The following GRIPAP1 variants were observed in gnomAD, a reference collection of about 807,000 sequenced individuals.
GRIPAP1 encodes GRIP1 associated protein 1.
Under a neutral mutation model 84.1 loss-of-function variants are expected in GRIPAP1, and 14 were observed. That is an observed-to-expected ratio of 0.17 (90% CI 0.11 to 0.26). The LOEUF (loss-of-function observed/expected upper bound fraction) is 0.26, where lower values mean the gene tolerates loss of function less well. Ranked by LOEUF, GRIPAP1 falls within the 10% of genes least tolerant of loss-of-function variation. The probability of loss-of-function intolerance (pLI) is 1.00; values close to 1 mark genes in which losing one functional copy is unlikely to be tolerated. For synonymous variants in GRIPAP1, 261 were observed against 256.8 expected (o/e 1.02, Z -0.15); for missense variants, 518 against 674.2 (o/e 0.77, Z 2.57).
At chrX:48,979,990 T>C (rs1480091212) in intron 21 of GRIPAP1, among the ~76,000 whole-genome samples, 1 of 111,139 alleles carries the variant, frequency 9.0e-6, no homozygotes, top group Non-Finnish European at 1.9e-5. Context: ...AGAGAGAAAT[T>C]GATTTGGTGA....
rs782633006 is a variant in GRIPAP1, at chrX:48,981,732, C to T, written c.1678-41G>A. 2.1e-5 allele frequency: 24 copies of T among 1,167,306 alleles called. No homozygotes were observed. The South Asian group carries it at 4.3e-4, about 21-fold the overall frequency. On this transcript the variant is annotated intron_variant, in intron 18 of 25. Coordinates refer to ENST00000376423, the MANE Select transcript of GRIPAP1 (RefSeq NM_020137.5). ...CAGCTTAGGCATTGGCTTGGGAAGC[C>T]TCTGTCCTCCCAGGAGGGCCCGTCA...
chrX:48,974,353 A>G, intron 25 of GRIPAP1, 68 bp from the exon 26 acceptor site: 1 of 643,132 alleles, frequency 1.6e-6, no homozygotes, highest in South Asian at 2.5e-5. Flanking sequence ...AACGTAGGGT[A>G]TCATCTGTGA....
intron 21 of GRIPAP1, among the ~76,000 whole-genome samples, chrX:48,979,203 C>T (rs926627800): frequency 9.1e-6 from 1 of 109,933 alleles, no homozygotes; most frequent in African/African-American, 3.3e-5. Context: ...AGATGCCGGG[C>T]GCGGTGGCTC....
Position 48,978,312 on chromosome X carries a change from G to A in GRIPAP1, c.2054C>T (p.Pro685Leu). The A allele has an allele frequency of 8.3e-7, 1 of 1,209,110 alleles. No homozygotes were observed. The highest frequency in any genetic ancestry group is 2.2e-5 in the Admixed American group (1 of 45,818). The change falls in exon 22 of 26, where the codon CCA becomes CTA. Residue 685 changes from proline (P) to leucine (L), a missense_variant. Physicochemically the swap from Pro to Leu is moderately conservative, Grantham distance 98. Around this residue, in one of 5 missense-constraint regions of GRIPAP1, gnomAD observed 66 missense variants for 65.2 expected, o/e 1.01. Transcript: ENST00000376423. ...TTCTTCCTTTCCCCTTACCCTGGCT[G>A]GAACAGCCGAGCTCTCCTTTTCCCG... ...ILREKESSAV[P>L]ARSLSSSPQA...
At chrX:48,978,554 G>T (rs2064435873) in intron 21 of GRIPAP1, 119 bp from the exon 22 acceptor site, 1 of 644,569 alleles carries the variant, frequency 1.6e-6, no homozygotes, top group Non-Finnish European at 2.2e-6. Context: ...CCTGGGCATG[G>T]GGAAAGGCAG....
At chrX:48,981,914 G>T in intron 17 of GRIPAP1, 42 bp from the exon 18 acceptor site, 1 of 972,675 alleles carries the variant, frequency 1.0e-6, no homozygotes, top group Non-Finnish European at 1.4e-6. Context: ...CCCCCAGAAG[G>T]TATCATGCCC....
intron 25 of GRIPAP1, 139 bp from the exon 26 acceptor site, chrX:48,974,424 A>T (rs781827818): frequency 2.4e-4 from 110 of 454,751 alleles, no homozygotes; most frequent in Middle Eastern, 4.1e-4. Context: ...ATGAGAAGGT[A>T]CTTGGAGAAG....
chrX:48,990,350 G>GA (rs1417513779), intron 8 of GRIPAP1, among the ~76,000 whole-genome samples: 3 of 112,256 alleles, frequency 2.7e-5, no homozygotes, highest in African/African-American at 9.7e-5. Context: ...TGGAAAGCAG[G>GA]ATATCATGAC....
chrX:48,998,952 A>T (rs782110125), intron 3 of GRIPAP1: 17 of 326,439 alleles, frequency 5.2e-5, no homozygotes, highest in Non-Finnish European at 9.0e-5. Flanking sequence ...TTCGAGGTAG[A>T]TTTACTGATA....
In GRIPAP1 at chrX:48,993,493, G is replaced by C. The variant is rs782456517; in HGVS notation, c.392C>G (p.Pro131Arg). 47 of 1,188,071 alleles carry C rather than the reference G, an allele frequency of 4.0e-5. No individual in the cohort carries two copies. Among genetic ancestry groups the C allele is most frequent in the Non-Finnish European group, 5.2e-5 (46 of 883,964 alleles). ...CCTCAGCAGCTCCCCATCCACGAGGGGCCCAGCTTGGGCAACCCCTGCTCC... is the reference window on the plus strand; with the variant it reads ...CCTCAGCAGCTCCCCATCCACGAGGCGCCCAGCTTGGGCAACCCCTGCTCC... ...AAGAGVAQAGPLVDGELLRLQ... is the reference protein window; with the variant it reads ...AAGAGVAQAGRLVDGELLRLQ... Residue 131 changes from proline (P) to arginine (R), a missense_variant, in exon 6 of 26, where the codon CCC becomes CGC. Transcript: ENST00000376423.
intron 13 of GRIPAP1, among the ~76,000 whole-genome samples, chrX:48,986,156 C>A (rs374573411): frequency 1.4e-4 from 15 of 104,532 alleles, no homozygotes; most frequent in African/African-American, 5.3e-4. Flanking sequence ...GCAGGAGAAT[C>A]GCTTGAACCT....
chrX:48,974,374 A>T, intron 25 of GRIPAP1, 89 bp from the exon 26 acceptor site: 1 of 554,266 alleles, frequency 1.8e-6, no homozygotes, highest in Admixed American at 2.7e-5. Context: ...TTTCCCTCAC[A>T]CCCTTTCATT....
At chrX:48,982,487 T>C (rs898556240) in intron 17 of GRIPAP1, among the ~76,000 whole-genome samples, 5 of 112,673 alleles carry the variant, frequency 4.4e-5, no homozygotes, top group Non-Finnish European at 7.5e-5. Flanking sequence ...GTGATTCTTC[T>C]GCCTCAGCCT....
chrX:48,998,086 T>C, intron 4 of GRIPAP1, 68 bp downstream of exon 4: 2 of 789,839 alleles, frequency 2.5e-6, no homozygotes, highest in Non-Finnish European at 3.9e-6. Context: ...TACAAGGAAA[T>C]ATCAGCATAC....
At chrX:48,975,750 G>A (rs782680731) in intron 24 of GRIPAP1, 17 of 376,253 alleles carry the variant, frequency 4.5e-5, no homozygotes, top group Non-Finnish European at 5.5e-5. Flanking sequence ...AGAGAGGAGA[G>A]GAAGATGAGG....
intron 5 of GRIPAP1, among the ~76,000 whole-genome samples, chrX:48,996,297 G>T (rs2064546587): frequency 8.9e-6 from 1 of 111,948 alleles, no homozygotes; most frequent in Admixed American, 9.5e-5. Context: ...TATATTCTCA[G>T]ATGGAGCCTT....
rs782706131 is a variant in GRIPAP1, at chrX:48,986,976, G to A, written c.1041+809C>T. On this transcript the variant is annotated intron_variant, in intron 13 of 25. Transcript: ENST00000376423. ...CAATTCTCCCACCTCAGCCTCCCGA[G>A]TAGCTTGGATTACAGGTGCCCACCA... is the stretch of plus-strand genomic sequence containing the variant. Among the ~76,000 whole-genome samples, 242 of 108,020 alleles carry A rather than the reference G, an allele frequency of 2.2e-3. 2 individuals carry two copies. Among genetic ancestry groups the A allele is most frequent in the African/African-American group, 7.7e-3 (228 of 29,553 alleles). The allele number at this position is 108,020 out of a possible 115,157, so 93.8% of individuals were successfully genotyped here.
At chrX:48,989,211 T>C (rs1453138777) in intron 11 of GRIPAP1, among the ~76,000 whole-genome samples, 4 of 111,136 alleles carry the variant, frequency 3.6e-5, no homozygotes, top group Admixed American at 1.9e-4. Context: ...TCCTCAGCCC[T>C]TGGGAGTCCC....
intron 18 of GRIPAP1, 43 bp downstream of exon 18, chrX:48,981,752 C>T: frequency 8.6e-7 from 1 of 1,159,971 alleles, no homozygotes; most frequent in Non-Finnish European, 1.2e-6. Flanking sequence ...CCAGGAGGGC[C>T]CGTCACTGTC....
Sources: gnomAD v4.1 joint callset for allele counts (sites outside exome capture counted in the v4.1 genomes callset) on GRCh38, gnomAD v4.1.1 for gene constraint, gnomAD v4.1.1 regional missense constraint, MANE v1.5 for transcripts, NCBI Gene and HGNC (gene_info 2026-07-23, HGNC 2026-07-21) for gene names.